Variants in PPM1E observed in about 807,000 individuals in gnomAD.
PPM1E encodes protein phosphatase, Mg2+/Mn2+ dependent 1E.
PPM1E carries 20 observed loss-of-function variants against 65.9 expected under a neutral mutation model. The ratio of observed to expected loss-of-function variants is 0.30; its 90% CI spans 0.21 to 0.44. The LOEUF is 0.44. Among genes scored for constraint, PPM1E ranks in the 20% least tolerant of loss-of-function variants. The probability of loss-of-function intolerance (pLI) is 1.00; values close to 1 mark genes in which losing one functional copy is unlikely to be tolerated. For missense variants in PPM1E, 713 were observed against 953.1 expected, an observed-to-expected ratio of 0.75 and a Z score of 3.32; for synonymous variants, 352 against 374.9, an observed-to-expected ratio of 0.94 and a Z score of 0.70.
rs1162508887 is a variant in PPM1E, at chr17:58,756,099, A to G, written c.102A>G (p.Glu34=). 1 of 1,589,554 alleles carries G rather than the reference A, an allele frequency of 6.3e-7. No homozygotes were observed. The highest frequency in any genetic ancestry group is 2.3e-5 in the East Asian group (1 of 44,336). ...GPCGGGEPEP[E]PEPEPEPEPE... ...GCGGCGGCGGCGAGCCGGAGCCGGA[A>G]CCCGAACCCGAACCCGAACCCGAAC... The change falls in exon 1 of 7, where the codon GAA becomes GAG. Residue 34 remains glutamate (E), a synonymous_variant. Transcript: ENST00000308249.
intron 1 of PPM1E, among the ~76,000 whole-genome samples, chr17:58,926,980 T>A (rs2143553466): frequency 6.6e-6 from 1 of 152,264 alleles, no homozygotes; most frequent in Non-Finnish European, 1.5e-5. Flanking sequence ...AACATTGAAT[T>A]CAGACTTTGT....
At position 58,918,698 on chromosome 17, in the gene PPM1E, C is replaced by T. The variant is rs578224760; in HGVS notation, c.465-36951C>T. On this transcript the variant is annotated intron_variant, in intron 1 of 6. Transcript: ENST00000308249. ...GCATGCACTTGTAGTCCCAGCTACT[C>T]GGGAGGCTGAGGCAGGAGAATTGCT... Among the ~76,000 whole-genome samples the T allele has an allele frequency of 8.2e-5, 12 of 145,466 alleles. No homozygotes were observed. In the East Asian group the frequency reaches 1.7e-3, roughly 21 times the overall value.
chr17:58,942,084 G>A (rs1173205792), intron 1 of PPM1E, among the ~76,000 whole-genome samples: 1 of 150,420 alleles, frequency 6.6e-6, no homozygotes, highest in Non-Finnish European at 1.5e-5. Context: ...ACTGCAATTT[G>A]AAAAATACTG....
chr17:58,866,978 G>A lies in PPM1E; in HGVS notation c.465-88671G>A, dbSNP rs372300837. ...AAATCTTAGAGGAGCCAAATTGGGG[G>A]GATTTTATTTTTTCTTTTTTGAGAT... is the stretch of plus-strand genomic sequence containing the variant. On this transcript the variant is annotated intron_variant, in intron 1 of 6. Coordinates refer to ENST00000308249, the MANE Select transcript of PPM1E (RefSeq NM_014906.5). 2.7e-4 allele frequency among the ~76,000 whole-genome samples: 41 copies of A among 152,040 alleles called. No homozygotes were observed. In the South Asian group the frequency reaches 8.3e-3, roughly 31 times the overall value.
chr17:58,794,678 CCTGTGTAAGTTCG>C (rs1432421242), intron 1 of PPM1E, among the ~76,000 whole-genome samples: 1 of 152,030 alleles, frequency 6.6e-6, no homozygotes, highest in Non-Finnish European at 1.5e-5. Flanking sequence ...GTTTTCTGTT[CCTGTGTAAGTTCG>C]CTTAGGATAA....
chr17:58,797,070 T>A (rs1049295444), intron 1 of PPM1E, among the ~76,000 whole-genome samples: 1 of 152,144 alleles, frequency 6.6e-6, no homozygotes, highest in Non-Finnish European at 1.5e-5. Context: ...ATCACGCCAC[T>A]TCACTCCAGC....
chr17:58,838,917 T>C (rs2050689786), intron 1 of PPM1E, among the ~76,000 whole-genome samples: 1 of 152,190 alleles, frequency 6.6e-6, no homozygotes, highest in Non-Finnish European at 1.5e-5. Flanking sequence ...TATTAAGTAA[T>C]TGAAAAACCT....
At position 58,755,990 on chromosome 17, in the gene PPM1E, G is replaced by T; in HGVS notation, c.-8G>T. ...CCTTTCCCGGTCTGCCCTGGGGCATGAGCAGCGATGGCCGGCTGCATCCCT... is the reference window on the plus strand; with the variant it reads ...CCTTTCCCGGTCTGCCCTGGGGCATTAGCAGCGATGGCCGGCTGCATCCCT... On this transcript the variant is annotated 5_prime_UTR_variant, in exon 1 of 7. The change abolishes an upstream ATG in the 5' untranslated region. Transcript: ENST00000308249. The T allele has an allele frequency of 6.2e-7, 1 of 1,613,928 alleles. No homozygotes were observed.
intron 1 of PPM1E, among the ~76,000 whole-genome samples, chr17:58,866,638 G>T (rs923113195): frequency 6.6e-6 from 1 of 152,170 alleles, no homozygotes; most frequent in East Asian, 1.9e-4. Context: ...CTCCATAGCT[G>T]CAGTCCTCAC....
At chr17:58,792,359 G>C (rs1350580019) in intron 1 of PPM1E, among the ~76,000 whole-genome samples, 1 of 150,896 alleles carries the variant, frequency 6.6e-6, no homozygotes, top group Non-Finnish European at 1.5e-5. Flanking sequence ...TATTATTTTT[G>C]AGACAGAGTC....
rs751194838 is a variant in PPM1E at position 58,965,768 on chromosome 17, T to C, written c.658T>C (p.Phe220Leu). 47 of 1,614,016 alleles carry C rather than the reference T, an allele frequency of 2.9e-5. No individual in the cohort carries two copies. In the East Asian group the frequency reaches 3.8e-4, roughly 13 times the overall value. The change falls in exon 3 of 7, where the codon TTC becomes CTC. Residue 220 changes from phenylalanine (F) to leucine (L), a missense_variant. Transcript: ENST00000308249. ...GATTTGCTGCAGCTGGGTGAAAGACTTCCCCCTCCGCAGGAGACCCCAGCT... is the reference window on the plus strand; with the variant it reads ...GATTTGCTGCAGCTGGGTGAAAGACCTCCCCCTCCGCAGGAGACCCCAGCT... ...HEICCSWVKD[F>L]PLRRRPQLYY... is the part of the protein sequence containing the mutation.
chr17:58,937,311 T>C (rs2051995658), intron 1 of PPM1E, among the ~76,000 whole-genome samples: 1 of 146,558 alleles, frequency 6.8e-6, no homozygotes. Context: ...TTGCCCAGGC[T>C]GGAGTGCAGT....
intron 1 of PPM1E, among the ~76,000 whole-genome samples, chr17:58,807,303 C>T (rs2143081198): frequency 6.6e-6 from 1 of 152,146 alleles, no homozygotes; most frequent in African/African-American, 2.4e-5. Flanking sequence ...AGAACTATAT[C>T]TTGTATATTA....
chr17:58,881,282 A>G (rs2051191704), intron 1 of PPM1E, among the ~76,000 whole-genome samples: 1 of 152,224 alleles, frequency 6.6e-6, no homozygotes, highest in African/African-American at 2.4e-5. Context: ...TAATCGCAGC[A>G]CTTTGGAGGC....
intron 1 of PPM1E, among the ~76,000 whole-genome samples, chr17:58,860,088 C>A (rs1177299810): frequency 1.3e-5 from 2 of 152,110 alleles, no homozygotes; most frequent in Admixed American, 1.3e-4. Flanking sequence ...TGGTTAGGGT[C>A]TCTACATGCC....
At chr17:58,839,605 A>G (rs1026188870) in intron 1 of PPM1E, among the ~76,000 whole-genome samples, 1 of 152,230 alleles carries the variant, frequency 6.6e-6, no homozygotes, top group Non-Finnish European at 1.5e-5. Context: ...TTGTATACTA[A>G]CATTGAACAA....
chr17:58,892,963 C>G (rs966765251), intron 1 of PPM1E, among the ~76,000 whole-genome samples: 2 of 152,200 alleles, frequency 1.3e-5, no homozygotes, highest in Non-Finnish European at 2.9e-5. Flanking sequence ...ACACCAAATG[C>G]TGACAAGGAT....
chr17:58,755,950 G>A lies in PPM1E; in HGVS notation c.-48G>A, dbSNP rs774817400. 3.1e-6 allele frequency: 5 copies of A among 1,611,642 alleles called. No homozygotes were observed. In the East Asian group the frequency reaches 1.1e-4, roughly 36 times the overall value. On this transcript the variant is annotated 5_prime_UTR_variant, in exon 1 of 7. Transcript: ENST00000308249. ...TCAAAAGCAGCCCCTTACCCTTCCT[G>A]GGCTTCCCCCAACCCCTTTCCCGGT...
intron 1 of PPM1E, among the ~76,000 whole-genome samples, chr17:58,855,918 T>C (rs1286343866): frequency 6.6e-6 from 1 of 152,188 alleles, no homozygotes; most frequent in Admixed American, 6.6e-5. Flanking sequence ...AGACTAGATG[T>C]TTATTGCTAT....
Sources: allele counts gnomAD v4.1 joint callset (sites outside exome capture counted in the v4.1 genomes callset), GRCh38; gene constraint gnomAD v4.1.1; transcripts MANE v1.5; gene names NCBI Gene and HGNC (gene_info 2026-07-23, HGNC 2026-07-21).